QTMAN: variants seen among roughly 807,000 people sequenced by gnomAD.
QTMAN encodes the protein tRNA-queuosine alpha-mannosyltransferase.
the QTMAN span, among the ~76,000 whole-genome samples, chr2:144,298,795 G>A: frequency 6.6e-6 from 1 of 152,196 alleles, no homozygotes; most frequent in Non-Finnish European, 1.5e-5. Context: ...AGGGGATATG[G>A]CAGAGTGTTT....
At chr2:144,316,266 T>C in the QTMAN span, among the ~76,000 whole-genome samples, 2 of 151,886 alleles carry the variant, frequency 1.3e-5, no homozygotes, top group Admixed American at 6.6e-5. Flanking sequence ...GCTAAGGCCT[T>C]GTTCCTAACC....
At chr2:143,951,172 A>G in the QTMAN span, among the ~76,000 whole-genome samples, 1 of 151,630 alleles carries the variant, frequency 6.6e-6, no homozygotes, top group African/African-American at 2.4e-5. Flanking sequence ...TAAAACTGCT[A>G]GATGTAAACT....
chr2:144,329,780 G>A, the QTMAN span, among the ~76,000 whole-genome samples: 1 of 152,156 alleles, frequency 6.6e-6, no homozygotes, highest in Admixed American at 6.5e-5. Context: ...AAGGAACTGA[G>A]TTAGTTCAAG....
At chr2:144,308,111 T>C in the QTMAN span, among the ~76,000 whole-genome samples, 4 of 150,540 alleles carry the variant, frequency 2.7e-5, no homozygotes, top group East Asian at 3.9e-4. Flanking sequence ...GATAGACATA[T>C]AGATCAATAT....
the QTMAN span, among the ~76,000 whole-genome samples, chr2:144,286,212 A>G: frequency 6.6e-6 from 1 of 152,208 alleles, no homozygotes; most frequent in East Asian, 1.9e-4. Flanking sequence ...CACAAAGTGT[A>G]GCAAAAACAA....
the QTMAN span, among the ~76,000 whole-genome samples, chr2:144,157,486 T>C: frequency 6.6e-6 from 1 of 151,970 alleles, no homozygotes; most frequent in African/African-American, 2.4e-5. Context: ...AACAATGGTC[T>C]AGAAATGCCA....
At chr2:144,087,058 T>C in the QTMAN span, among the ~76,000 whole-genome samples, 1 of 152,114 alleles carries the variant, frequency 6.6e-6, no homozygotes, top group Non-Finnish European at 1.5e-5. Context: ...GGTTCTTTAA[T>C]AAGATCAATA....
chr2:144,020,447 C>T, the QTMAN span, among the ~76,000 whole-genome samples: 3 of 152,160 alleles, frequency 2.0e-5, no homozygotes, highest in Admixed American at 1.3e-4. Context: ...TTCCGGTACA[C>T]CAAGGAAAGA....
the QTMAN span, among the ~76,000 whole-genome samples, chr2:144,269,788 C>A: frequency 6.6e-6 from 1 of 151,730 alleles, no homozygotes; most frequent in African/African-American, 2.4e-5. Flanking sequence ...CATGGAAAAA[C>A]CCCATTTAAT....
the QTMAN span, among the ~76,000 whole-genome samples, chr2:144,004,470 T>G: frequency 1.3e-5 from 2 of 152,064 alleles, no homozygotes; most frequent in African/African-American, 2.4e-5. Flanking sequence ...TGTATTTTTA[T>G]GAGCAAATTT....
chr2:144,026,774 A>T, the QTMAN span, among the ~76,000 whole-genome samples: 1 of 152,232 alleles, frequency 6.6e-6, no homozygotes, highest in African/African-American at 2.4e-5. Context: ...TAAAGCACTT[A>T]GCACAGCATC....
the QTMAN span, among the ~76,000 whole-genome samples, chr2:143,956,522 T>C: frequency 6.6e-6 from 1 of 152,192 alleles, no homozygotes; most frequent in South Asian, 2.1e-4. Context: ...GCTTGTTTTA[T>C]GTCAATCTAT....
chr2:144,268,744 T>C, the QTMAN span, among the ~76,000 whole-genome samples: 3 of 152,338 alleles, frequency 2.0e-5, no homozygotes, highest in African/African-American at 7.2e-5. Context: ...TAAATAACAT[T>C]GCTATGTTAT....
the QTMAN span, among the ~76,000 whole-genome samples, chr2:144,261,018 C>T: frequency 6.6e-6 from 1 of 152,096 alleles, no homozygotes; most frequent in Non-Finnish European, 1.5e-5. Context: ...CCATACTTCC[C>T]ATTCTAGAAA....
the QTMAN span, among the ~76,000 whole-genome samples, chr2:144,130,372 G>T: frequency 2.0e-5 from 3 of 151,826 alleles, no homozygotes; most frequent in African/African-American, 7.3e-5. Context: ...TTGGCACTCA[G>T]TACAGCATAG....
chr2:144,059,213 T>A, the QTMAN span, among the ~76,000 whole-genome samples: 52 of 152,286 alleles, frequency 3.4e-4, no homozygotes, highest in African/African-American at 1.2e-3. Flanking sequence ...GTGCCTCTAG[T>A]TTTTTATATT....
the QTMAN span, among the ~76,000 whole-genome samples, chr2:144,317,076 T>G: frequency 6.6e-6 from 1 of 152,192 alleles, no homozygotes; most frequent in Non-Finnish European, 1.5e-5. Flanking sequence ...TCCATTGATA[T>G]ACTTACTCTA....
chr2:144,021,951 T>A, the QTMAN span, among the ~76,000 whole-genome samples: 2 of 151,416 alleles, frequency 1.3e-5, no homozygotes, highest in Admixed American at 6.6e-5. Context: ...CTCTCACATT[T>A]AAAAAAAAAT....
the QTMAN span, among the ~76,000 whole-genome samples, chr2:143,976,490 G>C: frequency 2.4e-4 from 36 of 152,116 alleles, no homozygotes; most frequent in African/African-American, 8.7e-4. Flanking sequence ...AAAACATGAG[G>C]CTTCTATTTA....
Sources: allele counts gnomAD v4.1 joint callset (sites outside exome capture counted in the v4.1 genomes callset), GRCh38; gene constraint gnomAD v4.1.1; transcripts MANE v1.5; gene names NCBI Gene and HGNC (gene_info 2026-07-23, HGNC 2026-07-21).